DLG2: variants seen among roughly 807,000 people sequenced by gnomAD.
DLG2 encodes the protein discs large MAGUK scaffold protein 2.
A neutral mutation model predicts 132.5 loss-of-function variants in DLG2; 45 were observed. The observed-to-expected ratio is 0.34, with a 90% CI of 0.27 to 0.44. The LOEUF (loss-of-function observed/expected upper bound fraction) is 0.44, where lower values mean the gene tolerates loss of function less well. Among genes scored for constraint, DLG2 ranks in the 20% least tolerant of loss-of-function variants. The pLI is 1.00. For synonymous variants in DLG2, 424 were observed against 419.6 expected (o/e 1.01, Z -0.13); for missense variants, 1,045 against 1,196.9 (o/e 0.87, Z 1.87).
intron 11 of DLG2, among the ~76,000 whole-genome samples, chr11:84,023,565 A>G (rs1161739054): frequency 6.6e-6 from 1 of 152,146 alleles, no homozygotes; most frequent in East Asian, 1.9e-4. Flanking sequence ...ACAGTTGGCC[A>G]TTCAATAACA....
At chr11:84,006,979 T>A (rs918124154) in intron 11 of DLG2, among the ~76,000 whole-genome samples, 13 of 151,738 alleles carry the variant, frequency 8.6e-5, no homozygotes, top group African/African-American at 3.1e-4. Context: ...ACCTTAAATT[T>A]AAAAATTTAT....
At chr11:85,539,781 G>A (rs2075840595) in intron 3 of DLG2, among the ~76,000 whole-genome samples, 1 of 152,162 alleles carries the variant, frequency 6.6e-6, no homozygotes, top group Non-Finnish European at 1.5e-5. Flanking sequence ...CGTGTCTGTA[G>A]TACAGGGGTT....
At chr11:84,668,928 T>C (rs926022294) in intron 6 of DLG2, among the ~76,000 whole-genome samples, 1 of 152,152 alleles carries the variant, frequency 6.6e-6, no homozygotes, top group African/African-American at 2.4e-5. Context: ...GGCACTGTTC[T>C]AGGTACCAGC....
chr11:85,550,360 A>G (rs990014704), intron 3 of DLG2, among the ~76,000 whole-genome samples: 2 of 152,244 alleles, frequency 1.3e-5, no homozygotes, highest in Non-Finnish European at 2.9e-5. Context: ...CAGGCACCCC[A>G]ACTGGACGCT....
intron 9 of DLG2, among the ~76,000 whole-genome samples, chr11:84,120,596 G>T (rs528507227): frequency 1.1e-4 from 16 of 152,270 alleles, no homozygotes; most frequent in African/African-American, 2.4e-4. Flanking sequence ...AAAGAGACTG[G>T]ATGACAGACA....
intron 3 of DLG2, among the ~76,000 whole-genome samples, chr11:85,496,053 C>G (rs576385730): frequency 6.6e-6 from 1 of 152,138 alleles, no homozygotes; most frequent in African/African-American, 2.4e-5. Flanking sequence ...ACTGGTTGGA[C>G]AGTGGGTGCA....
At chr11:84,107,681 G>A (rs546089330) in intron 9 of DLG2, among the ~76,000 whole-genome samples, 10 of 152,096 alleles carry the variant, frequency 6.6e-5, no homozygotes, top group African/African-American at 1.9e-4. Flanking sequence ...GAGTTCCTAC[G>A]GTAAGTTATA....
chr11:85,421,642 G>A (rs1373471578), intron 3 of DLG2, among the ~76,000 whole-genome samples: 1 of 151,966 alleles, frequency 6.6e-6, no homozygotes, highest in African/African-American at 2.4e-5. Context: ...TTAAGTGGAG[G>A]ATTTAGGTCA....
intron 19 of DLG2, among the ~76,000 whole-genome samples, chr11:83,568,157 T>G (rs1368656602): frequency 6.6e-6 from 1 of 152,030 alleles, no homozygotes; most frequent in African/African-American, 2.4e-5. Context: ...CAAGTAATGA[T>G]GAGTGTCCGA....
intron 3 of DLG2, among the ~76,000 whole-genome samples, chr11:85,467,800 G>A (rs926746746): frequency 2.0e-5 from 3 of 152,130 alleles, no homozygotes; most frequent in Admixed American, 1.3e-4. Flanking sequence ...GCCAGGCTTT[G>A]GTATCAGGAT....
At chr11:84,251,327 A>G (rs1191063106) in intron 7 of DLG2, 36 bp from the exon 8 acceptor site, 2 of 1,438,282 alleles carry the variant, frequency 1.4e-6, no homozygotes, top group African/African-American at 1.4e-5. Context: ...TAAATAATGA[A>G]TAGTGTATTC....
At chr11:83,655,812 G>A (rs1342552411) in intron 18 of DLG2, among the ~76,000 whole-genome samples, 1 of 152,084 alleles carries the variant, frequency 6.6e-6, no homozygotes, top group Non-Finnish European at 1.5e-5. Context: ...TATCCAAAAG[G>A]ACCTATTCCA....
intron 19 of DLG2, among the ~76,000 whole-genome samples, chr11:83,615,395 T>C (rs902365298): frequency 1.3e-5 from 2 of 152,354 alleles, no homozygotes; most frequent in Admixed American, 1.3e-4. Flanking sequence ...AGGGTCATAA[T>C]CGCTCTTGGC....
chr11:84,560,797 T>C (rs889811101), intron 6 of DLG2, among the ~76,000 whole-genome samples: 1 of 152,054 alleles, frequency 6.6e-6, no homozygotes, highest in African/African-American at 2.4e-5. Flanking sequence ...TCAAGAGGTC[T>C]GAGTGCCACC....
intron 6 of DLG2, among the ~76,000 whole-genome samples, chr11:84,681,025 A>C (rs1362571302): frequency 6.6e-6 from 1 of 152,196 alleles, no homozygotes; most frequent in African/African-American, 2.4e-5. Context: ...GCAGTGGCCA[A>C]CAAGATCCAT....
rs142616504 is a variant in DLG2, at chr11:83,600,236, G to GGGGTGTGT, written c.1940+32974_1940+32975insACACACCC. ...GATGAGTTCACACAGCTAGCTATAGGGTGTGTGTGTGTGTGTGTGTGTGTG... is the reference window on the plus strand; with the variant it reads ...GATGAGTTCACACAGCTAGCTATAGGGGGTGTGTGTGTGTGTGTGTGTGTGTGTGTGTG... On this transcript the variant is annotated intron_variant, in intron 19 of 27. Coordinates refer to ENST00000376104, the MANE Select transcript of DLG2 (RefSeq NM_001142699.3). Among the ~76,000 whole-genome samples the GGGGTGTGT allele has an allele frequency of 6.8e-4, 99 of 145,624 alleles. 1 individual carries two copies. The highest frequency in any genetic ancestry group is 4.5e-3 in the South Asian group (20 of 4,476).
chr11:85,191,842 A>T (rs936401085), intron 4 of DLG2, among the ~76,000 whole-genome samples: 1 of 152,162 alleles, frequency 6.6e-6, no homozygotes, highest in African/African-American at 2.4e-5. Context: ...TACATACATT[A>T]TCTCAATTGA....
intron 17 of DLG2, among the ~76,000 whole-genome samples, chr11:83,817,513 G>A (rs1340835934): frequency 6.6e-6 from 1 of 152,070 alleles, no homozygotes; most frequent in Non-Finnish European, 1.5e-5. Flanking sequence ...ATAACCAATG[G>A]ACTCTGAAAA....
intron 6 of DLG2, among the ~76,000 whole-genome samples, chr11:84,883,301 G>A (rs1306662730): frequency 1.3e-5 from 2 of 151,860 alleles, no homozygotes; most frequent in Non-Finnish European, 2.9e-5. Context: ...ATACACTGGG[G>A]CCTGTTAGGG....
Sources: gnomAD v4.1 joint callset for allele counts (sites outside exome capture counted in the v4.1 genomes callset) on GRCh38, gnomAD v4.1.1 for gene constraint, MANE v1.5 for transcripts, NCBI Gene and HGNC (gene_info 2026-07-23, HGNC 2026-07-21) for gene names.